Variants in DOCK1 observed in about 807,000 individuals in gnomAD.
DOCK1 encodes the protein dedicator of cytokinesis 1.
A neutral mutation model predicts 262.7 loss-of-function variants in DOCK1; 138 were observed. The ratio of observed to expected loss-of-function variants is 0.53; its 90% CI spans 0.46 to 0.61. The LOEUF (loss-of-function observed/expected upper bound fraction) is 0.61, where lower values mean the gene tolerates loss of function less well. DOCK1 is among the 20% of genes least tolerant of loss of function. DOCK1 has a pLI of 0.00. For synonymous variants in DOCK1, 866 were observed against 867.4 expected (o/e 1.00, Z 0.03); for missense variants, 1,908 against 2,370.7 (o/e 0.80, Z 4.05).
chr10:127,400,866 A>G (rs2067183523), intron 38 of DOCK1, among the ~76,000 whole-genome samples: 1 of 152,192 alleles, frequency 6.6e-6, no homozygotes, highest in Admixed American at 6.5e-5. Context: ...TTAAGGTTTA[A>G]ATGATAATAG....
rs1591121654 is a variant in DOCK1 at position 127,452,330 on chromosome 10, T to G, written c.*903T>G. 1.6e-5 allele frequency: 2 copies of G among 121,586 alleles called. No homozygotes were observed. The highest frequency in any genetic ancestry group is 5.4e-4 in the South Asian group (2 of 3,694). The allele number at this position is 121,586 out of a possible 1,614,324, so 7.5% of individuals were successfully genotyped here. ...AACACACACACACACACACACACAT[T>G]TTTTTTTTGAGAACTCCAAAGTCCT... On this transcript the variant is annotated 3_prime_UTR_variant, in exon 52 of 52. Coordinates refer to ENST00000623213, the MANE Select transcript of DOCK1 (RefSeq NM_001290223.2).
intron 29 of DOCK1, among the ~76,000 whole-genome samples, chr10:127,264,523 C>T (rs1361474625): frequency 6.6e-6 from 1 of 152,112 alleles, no homozygotes; most frequent in African/African-American, 2.4e-5. Context: ...GTAGAGAAAA[C>T]GATGCTTTCT....
In DOCK1 at chr10:127,381,271, G is replaced by T. The variant is rs1247713403; in HGVS notation, c.3717-7G>T. 1 of 1,605,366 alleles carries T rather than the reference G, an allele frequency of 6.2e-7. No individual in the cohort carries two copies. ...TTTAAGAACATACCTCTGTTTTATTGTCTCAGGTATTTGTACAAGCTCTGT... is the reference window on the plus strand; with the variant it reads ...TTTAAGAACATACCTCTGTTTTATTTTCTCAGGTATTTGTACAAGCTCTGT... On this transcript the variant is annotated splice_polypyrimidine_tract_variant and splice_region_variant and intron_variant, in intron 36 of 51. Coordinates refer to ENST00000623213, the MANE Select transcript of DOCK1 (RefSeq NM_001290223.2).
At chr10:127,271,936 C>G (rs761548531) in intron 29 of DOCK1, 1 of 152,212 alleles carries the variant, frequency 6.6e-6, no homozygotes, top group African/African-American at 2.4e-5. Flanking sequence ...TTAGCCAGAG[C>G]TAATTCCTTA....
At chr10:127,363,440 G>A (rs781101137) in intron 33 of DOCK1, among the ~76,000 whole-genome samples, 76 of 152,044 alleles carry the variant, frequency 5.0e-4, no homozygotes, top group Non-Finnish European at 7.1e-4. Context: ...CTGCACTCCC[G>A]CCTAGGTGAC....
rs761050147 is a variant in DOCK1 at position 127,426,016 on chromosome 10, G to A, written c.4914+5G>A. 32 of 1,613,920 alleles carry A rather than the reference G, an allele frequency of 2.0e-5. No individual in the cohort carries two copies. The South Asian group carries it at 3.1e-4, about 16-fold the overall frequency. ...GAGTACGGCGTCCGAATCATGGTAA[G>A]AGGGTAGTATGCGTAGTGTTGCAGA... On this transcript the variant is annotated splice_donor_5th_base_variant and intron_variant, in intron 47 of 51. Coordinates refer to ENST00000623213, the MANE Select transcript of DOCK1 (RefSeq NM_001290223.2).
At chr10:127,438,992 C>T in intron 48 of DOCK1, 35 bp from the exon 49 acceptor site, 1 of 1,518,408 alleles carries the variant, frequency 6.6e-7, no homozygotes. Context: ...AAAGCAATTG[C>T]TCTCCTATTA....
intron 1 of DOCK1, among the ~76,000 whole-genome samples, chr10:126,936,532 C>T (rs1283628376): frequency 3.3e-5 from 5 of 152,128 alleles, no homozygotes; most frequent in Non-Finnish European, 7.4e-5. Context: ...TATTTAAAAA[C>T]ATAAAAACCA....
chr10:127,190,581 C>G (rs1167525), intron 27 of DOCK1, among the ~76,000 whole-genome samples: 150,298 of 150,544 alleles, frequency 1, 75,026 homozygotes, highest in Middle Eastern at 1. Context: ...CATTCTAGGA[C>G]GTAAGAGATA....
intron 27 of DOCK1, among the ~76,000 whole-genome samples, chr10:127,244,634 CT>C (rs1013651404): frequency 4.6e-5 from 7 of 152,122 alleles, no homozygotes; most frequent in African/African-American, 9.6e-5. Context: ...ATGAGGTTCA[CT>C]TTTTTTTGTT....
intron 25 of DOCK1, among the ~76,000 whole-genome samples, chr10:127,112,620 A>G (rs909242042): frequency 3.9e-5 from 6 of 152,218 alleles, no homozygotes; most frequent in African/African-American, 1.4e-4. Context: ...GTACGGAATT[A>G]GGATTTTGAT....
chr10:127,074,722 GA>G (rs2046414250), intron 23 of DOCK1, among the ~76,000 whole-genome samples: 1 of 152,172 alleles, frequency 6.6e-6, no homozygotes, highest in African/African-American at 2.4e-5. Flanking sequence ...CTAGTGAAAT[GA>G]TTAAGAAAGA....
At chr10:127,260,465 CA>C (rs2059984543) in intron 29 of DOCK1, among the ~76,000 whole-genome samples, 1 of 152,194 alleles carries the variant, frequency 6.6e-6, no homozygotes, top group Non-Finnish European at 1.5e-5. Context: ...TTCTGTTTTA[CA>C]TAAAATGTTA....
At chr10:127,197,292 A>C (rs987858099) in intron 27 of DOCK1, among the ~76,000 whole-genome samples, 3 of 152,212 alleles carry the variant, frequency 2.0e-5, no homozygotes. Context: ...CACAGGGCGC[A>C]GAGGCTGAGT....
chr10:127,088,061 G>A (rs553388192), intron 23 of DOCK1, among the ~76,000 whole-genome samples: 1 of 152,250 alleles, frequency 6.6e-6, no homozygotes, highest in South Asian at 2.1e-4. Flanking sequence ...GTAGTGAAAG[G>A]CAGCAGGTTT....
At chr10:126,991,179 C>A (rs11016748) in intron 6 of DOCK1, among the ~76,000 whole-genome samples, 6,028 of 152,278 alleles carry the variant, frequency 0.04, 145 homozygotes, top group Non-Finnish European at 0.052. Flanking sequence ...AGGCATCCCC[C>A]CAGCTCTGCA....
In DOCK1 at chr10:127,398,973, A is replaced by C. The variant is rs187820254; in HGVS notation, c.3928-4082A>C. On this transcript the variant is annotated intron_variant, in intron 38 of 51. Coordinates refer to ENST00000623213, the MANE Select transcript of DOCK1 (RefSeq NM_001290223.2). ...AGGAAGGAGCTTTATTATAAAAGAAAATTTTTATTCAAGTTTCTATTCATG... is the reference window on the plus strand; with the variant it reads ...AGGAAGGAGCTTTATTATAAAAGAACATTTTTATTCAAGTTTCTATTCATG... 2.0e-4 allele frequency among the ~76,000 whole-genome samples: 30 copies of C among 152,324 alleles called. No individual in the cohort carries two copies. In the East Asian group the frequency reaches 5.4e-3, roughly 27 times the overall value.
At chr10:127,266,248 G>C (rs1015833602) in intron 29 of DOCK1, among the ~76,000 whole-genome samples, 1 of 152,202 alleles carries the variant, frequency 6.6e-6, no homozygotes, top group Admixed American at 6.5e-5. Context: ...TTTGGGGCTT[G>C]AGAAACTCTT....
chr10:127,254,151 A>G (rs2059753999), intron 28 of DOCK1, among the ~76,000 whole-genome samples: 1 of 151,890 alleles, frequency 6.6e-6, no homozygotes, highest in Admixed American at 6.6e-5. Context: ...ATTCTTTCCA[A>G]ATTTTTTTGT....
Sources: gnomAD v4.1 joint callset for allele counts (sites outside exome capture counted in the v4.1 genomes callset) on GRCh38, gnomAD v4.1.1 for gene constraint, MANE v1.5 for transcripts, NCBI Gene and HGNC (gene_info 2026-07-23, HGNC 2026-07-21) for gene names.